KIAA1549L: variants seen among roughly 807,000 people sequenced by gnomAD.
KIAA1549L encodes KIAA1549 like.
Under a neutral mutation model 160.7 loss-of-function variants are expected in KIAA1549L, and 88 were observed. The ratio of observed to expected loss-of-function variants is 0.55; its 90% CI spans 0.46 to 0.65. KIAA1549L has a LOEUF of 0.65. Ranked by LOEUF, KIAA1549L falls within the 30% of genes least tolerant of loss-of-function variation. KIAA1549L has a pLI of 0.00. For synonymous variants in KIAA1549L, 950 were observed against 976.7 expected (o/e 0.97, Z 0.51); for missense variants, 2,258 against 2,437.5 (o/e 0.93, Z 1.55).
At chr11:33,519,840 C>T (rs952810978) in intron 1 of KIAA1549L, among the ~76,000 whole-genome samples, 2 of 152,078 alleles carry the variant, frequency 1.3e-5, no homozygotes, top group African/African-American at 4.8e-5. Context: ...ACTCTGGTGC[C>T]CTCCTCACAT....
intron 1 of KIAA1549L, among the ~76,000 whole-genome samples, chr11:33,421,568 A>T (rs1364821981): frequency 1.3e-5 from 2 of 152,260 alleles, no homozygotes; most frequent in African/African-American, 4.8e-5. Context: ...CTGACTTAAC[A>T]CTTTCCTTTT....
At chr11:33,500,827 C>T (rs1185562368) in intron 1 of KIAA1549L, among the ~76,000 whole-genome samples, 2 of 151,958 alleles carry the variant, frequency 1.3e-5, no homozygotes, top group African/African-American at 2.4e-5. Context: ...TAGGCAACAC[C>T]TTTTCATTAG....
At chr11:33,604,057 A>T (rs568292510) in intron 13 of KIAA1549L, among the ~76,000 whole-genome samples, 26 of 152,306 alleles carry the variant, frequency 1.7e-4, no homozygotes, top group African/African-American at 6.3e-4. Flanking sequence ...GGATAGAGGG[A>T]GAAGAGGGAA....
At chr11:33,550,018 A>G (rs1027421131) in intron 4 of KIAA1549L, among the ~76,000 whole-genome samples, 1 of 146,724 alleles carries the variant, frequency 6.8e-6, no homozygotes, top group Admixed American at 6.8e-5. Context: ...AACAAAAAAC[A>G]AAAAAAACAA....
chr11:33,662,524 G>T (rs752880979), intron 20 of KIAA1549L, among the ~76,000 whole-genome samples: 9 of 152,188 alleles, frequency 5.9e-5, no homozygotes, highest in Non-Finnish European at 1.0e-4. Flanking sequence ...CCACATGGCT[G>T]ATACCACTGG....
chr11:33,589,642 T>C lies in KIAA1549L; in HGVS notation c.4567-1595T>C, dbSNP rs562637116. Among the ~76,000 whole-genome samples the C allele has an allele frequency of 1.4e-4, 21 of 152,200 alleles. No individual in the cohort carries two copies. The South Asian group carries it at 3.7e-3, about 27-fold the overall frequency. ...TGGATGAAGCTGGAAACCATCATTC[T>C]CAGCAAACTATCGCAAGGACAAAAA... is the stretch of plus-strand genomic sequence containing the variant. On this transcript the variant is annotated intron_variant, in intron 11 of 20. Coordinates refer to ENST00000658780, the MANE Select transcript of KIAA1549L (RefSeq NM_012194.3).
chr11:33,566,769 A>G lies in KIAA1549L; in HGVS notation c.4079-1307A>G, dbSNP rs184225315. Reference sequence around the variant, plus strand: ...TGTTGTACTGGATGCCATAACTGCAATGCGTTCTTCACATCCAAGCTATTT... The same window carrying G: ...TGTTGTACTGGATGCCATAACTGCAGTGCGTTCTTCACATCCAAGCTATTT... On this transcript the variant is annotated intron_variant, in intron 8 of 20. Coordinates refer to ENST00000658780, the MANE Select transcript of KIAA1549L (RefSeq NM_012194.3). Among the ~76,000 whole-genome samples, 120 of 152,326 alleles carry G rather than the reference A, an allele frequency of 7.9e-4. 3 individuals carry two copies. In the Middle Eastern group the frequency reaches 0.01, roughly 13 times the overall value.
chr11:33,533,952 G>A (rs184961414), intron 1 of KIAA1549L, among the ~76,000 whole-genome samples: 2 of 152,206 alleles, frequency 1.3e-5, no homozygotes, highest in Admixed American at 1.3e-4. Flanking sequence ...AAATACTGTC[G>A]GTCCAAACAC....
At chr11:33,663,997 T>C (rs1852354673) in intron 20 of KIAA1549L, among the ~76,000 whole-genome samples, 2 of 152,202 alleles carry the variant, frequency 1.3e-5, no homozygotes, top group African/African-American at 4.8e-5. Context: ...CTTGGTTCTT[T>C]GGTGAGCCCA....
At chr11:33,599,723 T>C (rs758997354) in intron 13 of KIAA1549L, among the ~76,000 whole-genome samples, 2 of 152,176 alleles carry the variant, frequency 1.3e-5, no homozygotes, top group Non-Finnish European at 2.9e-5. Flanking sequence ...CCCACCTTGG[T>C]TCTGACTCTC....
intron 16 of KIAA1549L, among the ~76,000 whole-genome samples, chr11:33,630,072 G>C (rs900849630): frequency 2.6e-5 from 4 of 151,976 alleles, no homozygotes; most frequent in African/African-American, 9.7e-5. Context: ...TGCCTCTGCT[G>C]GGGGGTGCCT....
intron 20 of KIAA1549L, among the ~76,000 whole-genome samples, chr11:33,663,499 C>G (rs1852333917): frequency 6.6e-6 from 1 of 152,188 alleles, no homozygotes; most frequent in African/African-American, 2.4e-5. Context: ...CCTGAGGATA[C>G]TCCAGTGGGA....
intron 7 of KIAA1549L, among the ~76,000 whole-genome samples, chr11:33,560,894 A>G (rs958648539): frequency 1.9e-4 from 29 of 152,328 alleles, no homozygotes; most frequent in African/African-American, 6.7e-4. Context: ...ATAAGGAAAG[A>G]TGACTCTGGG....
At chr11:33,632,234 T>C (rs4333997) in intron 16 of KIAA1549L, among the ~76,000 whole-genome samples, 90,213 of 152,030 alleles carry the variant, frequency 0.59, 26,856 homozygotes, top group Middle Eastern at 0.68. Flanking sequence ...GTGTGTTGGC[T>C]GTATCCACAG....
chr11:33,552,127 A>G lies in KIAA1549L; in HGVS notation c.3741A>G (p.Gln1247=), dbSNP rs147358201. ...TTCTAGTGCTGCAGTTTGTGAGCCAAGCGGACAACATACAGTCCTGCAAGT... is the reference window on the plus strand; with the variant it reads ...TTCTAGTGCTGCAGTTTGTGAGCCAGGCGGACAACATACAGTCCTGCAAGT... ...QLKTVLQFVS[Q]ADNIQSCKFA... The change falls in exon 6 of 21, where the codon CAA becomes CAG. Residue 1247 remains glutamine, a synonymous_variant. Coordinates refer to ENST00000658780, the MANE Select transcript of KIAA1549L (RefSeq NM_012194.3). The G allele has an allele frequency of 2.5e-5, 40 of 1,613,608 alleles. No homozygotes were observed. The East Asian group carries it at 8.7e-4, about 35-fold the overall frequency.
At chr11:33,473,961 G>C (rs910066526) in intron 1 of KIAA1549L, among the ~76,000 whole-genome samples, 12 of 152,312 alleles carry the variant, frequency 7.9e-5, no homozygotes, top group African/African-American at 2.6e-4. Context: ...TCCAGCATCT[G>C]CTTCTGGTGA....
intron 14 of KIAA1549L, among the ~76,000 whole-genome samples, chr11:33,607,945 A>G (rs931531717): frequency 2.0e-5 from 3 of 152,326 alleles, no homozygotes; most frequent in Non-Finnish European, 4.4e-5. Context: ...TTTTAAACCA[A>G]GAAGCTGAAG....
intron 1 of KIAA1549L, among the ~76,000 whole-genome samples, chr11:33,461,896 C>T (rs1851949609): frequency 6.6e-6 from 1 of 152,190 alleles, no homozygotes; most frequent in Non-Finnish European, 1.5e-5. Context: ...GCAATCAACC[C>T]CAGGGCTATA....
At chr11:33,647,919 C>T (rs1851770932) in intron 17 of KIAA1549L, among the ~76,000 whole-genome samples, 1 of 152,076 alleles carries the variant, frequency 6.6e-6, no homozygotes, top group Non-Finnish European at 1.5e-5. Context: ...TAAATGAAGC[C>T]ACCTACAGTG....
Sources: allele counts gnomAD v4.1 joint callset (sites outside exome capture counted in the v4.1 genomes callset), GRCh38; gene constraint gnomAD v4.1.1; transcripts MANE v1.5; gene names NCBI Gene and HGNC (gene_info 2026-07-23, HGNC 2026-07-21).